Variants in SGCZ observed in about 807,000 individuals in gnomAD.
SGCZ encodes sarcoglycan zeta, also known as zeta-sarcoglycan.
In SGCZ, 40 loss-of-function variants were observed where a neutral mutation model predicts 41.3. That is an observed-to-expected ratio of 0.97 (90% CI 0.75 to 1.26). The LOEUF is 1.26. Ranked by LOEUF, SGCZ falls within the 50% of genes most tolerant of loss-of-function variation. The pLI is 0.00. For missense variants in SGCZ, 552 were observed against 369.8 expected (o/e 1.49, Z -4.04); for synonymous variants, 206 against 137.5 (o/e 1.50, Z -3.49).
chr8:14,380,978 A>G (rs1804339720), intron 2 of SGCZ, among the ~76,000 whole-genome samples: 2 of 152,242 alleles, frequency 1.3e-5, no homozygotes, highest in Admixed American at 1.3e-4. Flanking sequence ...GCGTATTCCT[A>G]ATCGTTCTTA....
intron 1 of SGCZ, among the ~76,000 whole-genome samples, chr8:14,866,737 G>C (rs1483551081): frequency 1.3e-5 from 2 of 151,942 alleles, no homozygotes; most frequent in African/African-American, 4.8e-5. Flanking sequence ...CTGAGACCCA[G>C]AAGACTTGAT....
chr8:14,864,454 C>A (rs1177863928), intron 1 of SGCZ, among the ~76,000 whole-genome samples: 1 of 152,102 alleles, frequency 6.6e-6, no homozygotes, highest in Non-Finnish European at 1.5e-5. Flanking sequence ...ACTCAAATAT[C>A]TATTAGCATA....
intron 1 of SGCZ, among the ~76,000 whole-genome samples, chr8:15,229,245 C>G (rs1372325572): frequency 6.6e-6 from 1 of 152,024 alleles, no homozygotes; most frequent in Non-Finnish European, 1.5e-5. Flanking sequence ...ATGTGAAATA[C>G]TGAGGCACAT....
At chr8:14,548,161 A>T (rs956272714) in intron 2 of SGCZ, among the ~76,000 whole-genome samples, 1 of 152,192 alleles carries the variant, frequency 6.6e-6, no homozygotes, top group Non-Finnish European at 1.5e-5. Context: ...AGAGGAAGAA[A>T]CAGAGCCACA....
At position 14,289,395 on chromosome 8, in the gene SGCZ, T is replaced by C. The variant is rs543700669; in HGVS notation, c.336+34708A>G. On this transcript the variant is annotated intron_variant, in intron 3 of 7. Transcript: ENST00000382080. ...CCTATATTTTCTTCAAATAATTTTGTAGTGTTAGTTGTTATACTTAGGTCT... is the reference window on the plus strand; with the variant it reads ...CCTATATTTTCTTCAAATAATTTTGCAGTGTTAGTTGTTATACTTAGGTCT... 1.6e-4 allele frequency among the ~76,000 whole-genome samples: 25 copies of C among 152,252 alleles called. No homozygotes were observed. In the South Asian group the frequency reaches 2.3e-3, roughly 14 times the overall value.
At chr8:14,422,896 T>C (rs569187174) in intron 2 of SGCZ, among the ~76,000 whole-genome samples, 92 of 152,174 alleles carry the variant, frequency 6.0e-4, no homozygotes, top group African/African-American at 2.1e-3. Flanking sequence ...GGCATGGTGA[T>C]GCACACATTT....
chr8:14,536,466 T>C (rs1321790893), intron 2 of SGCZ, among the ~76,000 whole-genome samples: 1 of 151,926 alleles, frequency 6.6e-6, no homozygotes, highest in Non-Finnish European at 1.5e-5. Context: ...ACTTTTGATT[T>C]CTTTTCATGC....
chr8:14,647,313 T>G (rs35931805), intron 1 of SGCZ, among the ~76,000 whole-genome samples: 98,027 of 151,810 alleles, frequency 0.65, 32,173 homozygotes, highest in East Asian at 0.86. Flanking sequence ...ATTGCTTTAC[T>G]GATATATCAA....
chr8:14,896,742 G>A (rs1405824745), intron 1 of SGCZ, among the ~76,000 whole-genome samples: 1 of 151,976 alleles, frequency 6.6e-6, no homozygotes, highest in East Asian at 1.9e-4. Context: ...CTCCCAAAGT[G>A]CTGGGATTAC....
intron 1 of SGCZ, among the ~76,000 whole-genome samples, chr8:15,185,530 T>C (rs1394626353): frequency 2.0e-5 from 3 of 152,224 alleles, no homozygotes; most frequent in Non-Finnish European, 4.4e-5. Context: ...GAGAAATCTA[T>C]TTATTGCCTC....
At chr8:14,442,817 T>G (rs1366937165) in intron 2 of SGCZ, among the ~76,000 whole-genome samples, 2 of 152,206 alleles carry the variant, frequency 1.3e-5, no homozygotes, top group Non-Finnish European at 2.9e-5. Context: ...TGTTAATTAT[T>G]TTTTGTATCA....
chr8:14,443,966 A>G (rs891761182), intron 2 of SGCZ, among the ~76,000 whole-genome samples: 1 of 152,162 alleles, frequency 6.6e-6, no homozygotes, highest in Non-Finnish European at 1.5e-5. Context: ...AATTTACAAG[A>G]AACAAACAAA....
chr8:14,644,602 C>G (rs926270506), intron 1 of SGCZ, among the ~76,000 whole-genome samples: 3 of 151,716 alleles, frequency 2.0e-5, no homozygotes, highest in Non-Finnish European at 4.4e-5. Context: ...AGTTTTGGGT[C>G]AAGGTGTCTG....
At chr8:15,042,724 T>C (rs541239820) in intron 1 of SGCZ, among the ~76,000 whole-genome samples, 6 of 152,306 alleles carry the variant, frequency 3.9e-5, no homozygotes, top group African/African-American at 1.4e-4. Flanking sequence ...AATTTATATT[T>C]AAGATGCTTT....
At chr8:14,648,392 A>G (rs548567015) in intron 1 of SGCZ, among the ~76,000 whole-genome samples, 13 of 152,068 alleles carry the variant, frequency 8.5e-5, no homozygotes, top group Non-Finnish European at 1.8e-4. Context: ...GAAGTGTTTG[A>G]TGTGTTTGAG....
chr8:14,542,964 C>T (rs553515147), intron 2 of SGCZ, among the ~76,000 whole-genome samples: 75 of 151,954 alleles, frequency 4.9e-4, no homozygotes, highest in Admixed American at 9.8e-4. Flanking sequence ...TCTTCAAATT[C>T]ATTCAGCTAG....
At chr8:14,179,794 T>A (rs1439262160) in intron 4 of SGCZ, among the ~76,000 whole-genome samples, 2 of 152,094 alleles carry the variant, frequency 1.3e-5, no homozygotes, top group Non-Finnish European at 2.9e-5. Flanking sequence ...CTCCAGGTAT[T>A]CCTATACTTA....
At chr8:14,753,088 TATC>T (rs1182869023) in intron 1 of SGCZ, among the ~76,000 whole-genome samples, 4 of 152,186 alleles carry the variant, frequency 2.6e-5, no homozygotes, top group African/African-American at 9.6e-5. Context: ...CCACACCAGC[TATC>T]ATCAGTCTTG....
intron 3 of SGCZ, among the ~76,000 whole-genome samples, chr8:14,242,165 G>A (rs540534832): frequency 6.6e-6 from 1 of 152,170 alleles, no homozygotes; most frequent in African/African-American, 2.4e-5. Flanking sequence ...AAAAGCATTA[G>A]TAATATTGTT....
Sources: allele counts gnomAD v4.1 joint callset (sites outside exome capture counted in the v4.1 genomes callset), GRCh38; gene constraint gnomAD v4.1.1; transcripts MANE v1.5; gene names NCBI Gene and HGNC (gene_info 2026-07-23, HGNC 2026-07-21).